RNGTT: variants seen among roughly 807,000 people sequenced by gnomAD.
RNGTT encodes RNA guanylyltransferase and 5'-phosphatase, also known as mRNA-capping enzyme.
In RNGTT, 33 loss-of-function variants were observed where a neutral mutation model predicts 79.3. The observed-to-expected ratio is 0.42, with a 90% CI of 0.32 to 0.56. The LOEUF (loss-of-function observed/expected upper bound fraction) is 0.56. Among genes scored for constraint, RNGTT ranks in the 20% least tolerant of loss-of-function variants. RNGTT has a pLI of 0.17. For synonymous variants in RNGTT, 222 were observed against 235.9 expected, an observed-to-expected ratio of 0.94 and a Z score of 0.54; for missense variants, 497 against 739.1, an observed-to-expected ratio of 0.67 and a Z score of 3.80.
chr6:88,825,798 G>A (rs1202333549), intron 11 of RNGTT, among the ~76,000 whole-genome samples: 2 of 152,114 alleles, frequency 1.3e-5, no homozygotes, highest in Non-Finnish European at 2.9e-5. Flanking sequence ...ATTTTTAAAT[G>A]TATGCCTTAT....
At chr6:88,729,497 A>G (rs1191805562) in intron 13 of RNGTT, among the ~76,000 whole-genome samples, 1 of 152,146 alleles carries the variant, frequency 6.6e-6, no homozygotes, top group Non-Finnish European at 1.5e-5. Context: ...TACCAGATCA[A>G]TTTAAAGCCC....
At chr6:88,949,158 T>TAAAAAAAAAAAAAAAAAAAAAAAAAAAA (rs1491197999) in intron 1 of RNGTT, among the ~76,000 whole-genome samples, 1 of 18,006 alleles carries the variant, frequency 5.6e-5, no homozygotes, top group Non-Finnish European at 1.1e-4. Context: ...TAAAATAAAA[T>TAAAAAAAAAAAAAAAAAAAAAAAAAAAA]GAAAAAAAAA....
chr6:88,828,320 C>T (rs1262867982), intron 11 of RNGTT, among the ~76,000 whole-genome samples: 1 of 152,198 alleles, frequency 6.6e-6, no homozygotes, highest in African/African-American at 2.4e-5. Flanking sequence ...AGAAGGAAAA[C>T]TAACAAACAG....
At chr6:88,845,003 A>G (rs1339017111) in intron 10 of RNGTT, among the ~76,000 whole-genome samples, 1 of 152,166 alleles carries the variant, frequency 6.6e-6, no homozygotes, top group Non-Finnish European at 1.5e-5. Flanking sequence ...TTATAGGTAC[A>G]GAATCATTTT....
At chr6:88,747,490 G>A (rs756514494) in intron 13 of RNGTT, among the ~76,000 whole-genome samples, 13 of 152,182 alleles carry the variant, frequency 8.5e-5, no homozygotes, top group Non-Finnish European at 1.6e-4. Flanking sequence ...TGGTAGAAGC[G>A]AGGGAGTAAA....
At chr6:88,712,122 T>C (rs946629146) in intron 13 of RNGTT, among the ~76,000 whole-genome samples, 2 of 152,180 alleles carry the variant, frequency 1.3e-5, no homozygotes, top group African/African-American at 4.8e-5. Context: ...TTTAGGGGGA[T>C]AAATTTAATC....
chr6:88,887,684 G>A (rs1320041747), intron 8 of RNGTT, among the ~76,000 whole-genome samples: 4 of 152,210 alleles, frequency 2.6e-5, no homozygotes, highest in East Asian at 1.9e-4. Context: ...CCAACACACA[G>A]AGAAAGGGGT....
At position 88,904,694 on chromosome 6, in the gene RNGTT, TATA is replaced by T. The variant is rs757706283; in HGVS notation, c.684+18_684+20del. 2 of 1,576,648 alleles carry T rather than the reference TATA, an allele frequency of 1.3e-6. No individual in the cohort carries two copies. The highest frequency in any genetic ancestry group is 1.7e-6 in the Non-Finnish European group (2 of 1,166,758). ...CAGAAAAAGGAAAAAAAAAACCTATTATAATATTTTTAAACATTACCAGTTTTA... is the reference window on the plus strand; with the variant it reads ...CAGAAAAAGGAAAAAAAAAACCTATTATATTTTTAAACATTACCAGTTTTA... On this transcript the variant is annotated intron_variant, in intron 6 of 15. Transcript: ENST00000369485.
chr6:88,617,867 TA>T lies in RNGTT; in HGVS notation c.1507-3473del, dbSNP rs5878078. Among the ~76,000 whole-genome samples the T allele has an allele frequency of 2.9e-3, 430 of 145,966 alleles. 1 individual carries two copies. The highest frequency in any genetic ancestry group is 8.2e-3 in the African/African-American group (330 of 40,342). The stretch of plus-strand genomic sequence containing the variant: ...CTTTCAGCAAGAAACACTGCTTAAT[TA>T]AAAAAAAAAAACCTTAGAAGTAAAT... On this transcript the variant is annotated intron_variant, in intron 14 of 15. Coordinates refer to ENST00000369485, the MANE Select transcript of RNGTT (RefSeq NM_003800.5).
At chr6:88,870,729 T>C (rs1289178692) in intron 8 of RNGTT, among the ~76,000 whole-genome samples, 7 of 152,114 alleles carry the variant, frequency 4.6e-5, no homozygotes, top group African/African-American at 1.7e-4. Flanking sequence ...CAAAAGAACA[T>C]ACCAACATTG....
chr6:88,739,725 T>TTATAGATA (rs1777405867), intron 13 of RNGTT, among the ~76,000 whole-genome samples: 1 of 94,152 alleles, frequency 1.1e-5, no homozygotes, highest in South Asian at 3.7e-4. Flanking sequence ...GTGAAAAAAA[T>TTATAGATA]TATATATATA....
At chr6:88,786,518 T>C (rs1779234412) in intron 12 of RNGTT, among the ~76,000 whole-genome samples, 1 of 152,096 alleles carries the variant, frequency 6.6e-6, no homozygotes, top group African/African-American at 2.4e-5. Flanking sequence ...CTGAAAACCA[T>C]ATAGATAGGA....
chr6:88,844,457 C>G lies in RNGTT; in HGVS notation c.1169G>C (p.Ser390Thr). Residue 390 changes from serine to threonine, a missense_variant, in exon 11 of 16, where the codon AGT (serine) becomes ACT (threonine). Physicochemically the swap from Ser to Thr is moderately conservative, Grantham distance 58. This residue lies in a region of RNGTT where 440 missense variants were observed against 671.5 expected (regional missense o/e 0.66). Coordinates refer to ENST00000369485, the MANE Select transcript of RNGTT (RefSeq NM_003800.5). ...RLQCIEREII[S>T]PRHEKMKTGL... ...AGTCTTCATTTTTTCGTGTCGAGGA[C>G]TTATAATTTCTCGTTCTATACACTG... 1 of 1,613,900 alleles carries G rather than the reference C, an allele frequency of 6.2e-7. No homozygotes were observed.
At chr6:88,644,092 G>C (rs1035916765) in intron 14 of RNGTT, among the ~76,000 whole-genome samples, 1 of 152,056 alleles carries the variant, frequency 6.6e-6, no homozygotes, top group African/African-American at 2.4e-5. Context: ...CAACAAAATT[G>C]ACAGACCACT....
chr6:88,945,615 CT>C (rs879389735), intron 1 of RNGTT, among the ~76,000 whole-genome samples: 28 of 152,202 alleles, frequency 1.8e-4, no homozygotes, highest in Non-Finnish European at 4.0e-4. Context: ...TCTACGGTCT[CT>C]GCCTGGGAGA....
intron 8 of RNGTT, among the ~76,000 whole-genome samples, chr6:88,890,163 A>T (rs1181624487): frequency 2.6e-5 from 4 of 152,148 alleles, no homozygotes; most frequent in Non-Finnish European, 4.4e-5. Flanking sequence ...TAACCTCAAC[A>T]TGTCCAATAT....
intron 7 of RNGTT, among the ~76,000 whole-genome samples, chr6:88,891,165 T>G (rs1295141427): frequency 6.6e-6 from 1 of 152,166 alleles, no homozygotes; most frequent in Non-Finnish European, 1.5e-5. Context: ...ATATTTTAGT[T>G]AAAACTACTT....
chr6:88,689,594 C>CAAAAA (rs71554788), intron 13 of RNGTT, among the ~76,000 whole-genome samples: 2 of 97,426 alleles, frequency 2.1e-5, no homozygotes, highest in Admixed American at 1.2e-4. Context: ...GACTCTGTCT[C>CAAAAA]AAAAAAAAAA....
chr6:88,942,733 A>G (rs138124910), intron 1 of RNGTT, among the ~76,000 whole-genome samples: 1 of 152,318 alleles, frequency 6.6e-6, no homozygotes, highest in East Asian at 1.9e-4. Flanking sequence ...ACATCTGTCC[A>G]AAGGCTTTAA....
Sources: allele counts gnomAD v4.1 joint callset (sites outside exome capture counted in the v4.1 genomes callset), GRCh38; gene constraint gnomAD v4.1.1; regional missense constraint gnomAD v4.1.1; transcripts MANE v1.5; gene names NCBI Gene and HGNC (gene_info 2026-07-23, HGNC 2026-07-21).